The following MYPN variants were observed in gnomAD, a reference collection of about 807,000 sequenced individuals.
The protein encoded by MYPN is myopalladin.
A neutral mutation model predicts 129.4 loss-of-function variants in MYPN; 63 were observed. The observed-to-expected ratio is 0.49, with a 90% CI of 0.40 to 0.60. MYPN has a LOEUF of 0.60. Among genes scored for constraint, MYPN ranks in the 20% least tolerant of loss-of-function variants. The pLI, the probability that MYPN is intolerant of heterozygous loss-of-function variation, is 0.00. For synonymous variants in MYPN, 629 were observed against 600.9 expected, an observed-to-expected ratio of 1.05 and a Z score of -0.68; for missense variants, 1,596 against 1,635.4, an observed-to-expected ratio of 0.98 and a Z score of 0.42.
chr10:68,128,744 T>C (rs2042364061), intron 2 of MYPN, among the ~76,000 whole-genome samples: 1 of 152,192 alleles, frequency 6.6e-6, no homozygotes, highest in African/African-American at 2.4e-5. Flanking sequence ...GGGAAGGTTT[T>C]CTTGAAAATC....
chr10:68,185,217 G>T lies in MYPN; in HGVS notation c.2704-3688G>T, dbSNP rs182481427. Reference sequence around the variant, plus strand: ...GGGAAGGAAGGGAGGAAGGGAAGAAGTGAAAAGAAAAGAAAGGAAAGGAAA... The same window carrying T: ...GGGAAGGAAGGGAGGAAGGGAAGAATTGAAAAGAAAAGAAAGGAAAGGAAA... On this transcript the variant is annotated intron_variant, in intron 12 of 19. Coordinates refer to ENST00000358913, the MANE Select transcript of MYPN (RefSeq NM_032578.4). 3.2e-3 allele frequency among the ~76,000 whole-genome samples: 450 copies of T among 142,326 alleles called. 2 individuals carry two copies. Among genetic ancestry groups the T allele is most frequent in the African/African-American group, 0.011 (424 of 39,572 alleles). The allele number at this position is 142,326 out of a possible 152,430, so 93.4% of individuals were successfully genotyped here. A position where few individuals can be genotyped will look rare whatever the true frequency, so the allele number is the denominator to read the frequency against.
In MYPN at chr10:68,210,609, C is replaced by A; in HGVS notation, c.*154C>A. The A allele has an allele frequency of 1.2e-6, 1 of 846,760 alleles. No individual in the cohort carries two copies. Among genetic ancestry groups the A allele is most frequent in the Non-Finnish European group, 2.0e-6 (1 of 508,158 alleles). 52.5% of individuals were successfully genotyped at this position (846,760 alleles called of 1,614,324 possible). On this transcript the variant is annotated 3_prime_UTR_variant, in exon 20 of 20. Coordinates refer to ENST00000358913, the MANE Select transcript of MYPN (RefSeq NM_032578.4). ...GCTTTGAATAAGTCAGCTAGGGATT[C>A]TTGCAGTCTCAGCTGAGGGAGAAAG...
chr10:68,145,431 A>T (rs2042646778), intron 3 of MYPN, 44 bp from the exon 4 acceptor site: 1 of 1,525,104 alleles, frequency 6.6e-7, no homozygotes, highest in Admixed American at 1.7e-5. Context: ...CAATTTAAGA[A>T]ATTGTCATCT....
chr10:68,165,404 A>G (rs1362284988), intron 8 of MYPN: 1 of 472,598 alleles, frequency 2.1e-6, no homozygotes, highest in Non-Finnish European at 4.2e-6. Flanking sequence ...GTGAGCCGAG[A>G]TCTTGCCACT....
At chr10:68,180,795 G>A (rs192996404) in intron 12 of MYPN, among the ~76,000 whole-genome samples, 6 of 152,074 alleles carry the variant, frequency 3.9e-5, no homozygotes, top group African/African-American at 1.4e-4. Flanking sequence ...ATTATGGTTC[G>A]CAACAGAAAA....
At chr10:68,170,966 T>C (rs899161064) in intron 10 of MYPN, among the ~76,000 whole-genome samples, 2 of 152,024 alleles carry the variant, frequency 1.3e-5, no homozygotes, top group African/African-American at 2.4e-5. Flanking sequence ...CTGGCCAACA[T>C]GGTGAAACCC....
chr10:68,206,455 G>A (rs888794535), intron 18 of MYPN, among the ~76,000 whole-genome samples: 3 of 152,044 alleles, frequency 2.0e-5, no homozygotes, highest in Admixed American at 6.6e-5. Flanking sequence ...CAAAGTTATC[G>A]ATGAAATGTC....
upstream of MYPN, chr10:68,106,271 T>C: frequency 2.4e-6 from 1 of 418,358 alleles, no homozygotes; most frequent in Non-Finnish European, 4.7e-6. Flanking sequence ...TAAAACTAAG[T>C]GGGTTTTGAA....
intron 2 of MYPN, among the ~76,000 whole-genome samples, chr10:68,135,733 G>T (rs2042476951): frequency 6.6e-6 from 1 of 152,158 alleles, no homozygotes; most frequent in South Asian, 2.1e-4. Flanking sequence ...TATGTTTTGA[G>T]CAGCTAAAAT....
chr10:68,121,971 G>T lies in MYPN; in HGVS notation c.533G>T (p.Cys178Phe). The change falls in exon 2 of 20, where the codon TGC becomes TTC. Residue 178 changes from cysteine to phenylalanine, a missense_variant. Cys to Phe is a radical substitution (Grantham distance 205). Coordinates refer to ENST00000358913, the MANE Select transcript of MYPN (RefSeq NM_032578.4). ...TCCAAAAGGATTAGACCTCGTGCCT[G>T]CAAAAACCACAAGAGTAAACTGGAA... is the stretch of plus-strand genomic sequence containing the variant. ...HSSKRIRPRACKNHKSKLESQ... is the reference protein window; with the variant it reads ...HSSKRIRPRAFKNHKSKLESQ... 1 of 1,614,180 alleles carries T rather than the reference G, an allele frequency of 6.2e-7. No homozygotes were observed. Among genetic ancestry groups the T allele is most frequent in the South Asian group, 1.1e-5 (1 of 91,086 alleles).
At chr10:68,197,503 T>C in intron 16 of MYPN, 25 bp downstream of exon 16, 1 of 1,612,932 alleles carries the variant, frequency 6.2e-7, no homozygotes, top group South Asian at 1.1e-5. Context: ...CCATGCTTAG[T>C]TCCAGATCTG....
chr10:68,100,685 C>T (rs7086067), intron 1 of MYPN, among the ~76,000 whole-genome samples: 11,654 of 152,170 alleles, frequency 0.077, 1,168 homozygotes, highest in African/African-American at 0.23. Context: ...CTTATTAGCA[C>T]CTGTGGACGA....
rs146382217 is a variant in MYPN, at chr10:68,205,202, A to G, written c.3660-1568A>G. Reference sequence around the variant, plus strand: ...CATATGCTGGTGCTTCTGAACATCCAGTATCTTCATGCCTCCTTCTTGATG... The same window carrying G: ...CATATGCTGGTGCTTCTGAACATCCGGTATCTTCATGCCTCCTTCTTGATG... On this transcript the variant is annotated intron_variant, in intron 18 of 19. Coordinates refer to ENST00000358913, the MANE Select transcript of MYPN (RefSeq NM_032578.4). 3.6e-3 allele frequency among the ~76,000 whole-genome samples: 547 copies of G among 152,294 alleles called. 5 individuals carry two copies. Among genetic ancestry groups the G allele is most frequent in the African/African-American group, 0.012 (512 of 41,554 alleles).
In MYPN at chr10:68,140,019, A is replaced by AG. The variant is rs1303682310; in HGVS notation, c.903-2916dup. Among the ~76,000 whole-genome samples the AG allele has an allele frequency of 3.3e-5, 5 of 152,206 alleles. No homozygotes were observed. The East Asian group carries it at 5.8e-4, about 18-fold the overall frequency. Reference sequence around the variant, plus strand: ...TAATGTGCTGGAATGACTGAGGATAAGGGGGCTATATTGGGAAGAGGGTCA... The same window carrying AG: ...TAATGTGCTGGAATGACTGAGGATAAGGGGGGCTATATTGGGAAGAGGGTCA... On this transcript the variant is annotated intron_variant, in intron 2 of 19. Coordinates refer to ENST00000358913, the MANE Select transcript of MYPN (RefSeq NM_032578.4).
upstream of MYPN, among the ~76,000 whole-genome samples, chr10:68,102,153 T>C (rs1589512818): frequency 7.9e-6 from 1 of 125,846 alleles, no homozygotes; most frequent in African/African-American, 3.3e-5. Context: ...TGAGATAGGG[T>C]CTCATTTTAC....
chr10:68,169,356 T>A (rs1485198247), intron 10 of MYPN, among the ~76,000 whole-genome samples: 6 of 92,596 alleles, frequency 6.5e-5, no homozygotes, highest in Non-Finnish European at 1.3e-4. Context: ...AGACTCCGTC[T>A]CAAATTAAAA....
At chr10:68,188,574 C>T (rs1416950409) in intron 12 of MYPN, among the ~76,000 whole-genome samples, 1 of 152,148 alleles carries the variant, frequency 6.6e-6, no homozygotes, top group Admixed American at 6.5e-5. Flanking sequence ...CAAAATAATG[C>T]TATAGGAAGT....
At chr10:68,133,983 A>G (rs2042448468) in intron 2 of MYPN, among the ~76,000 whole-genome samples, 1 of 152,096 alleles carries the variant, frequency 6.6e-6, no homozygotes, top group South Asian at 2.1e-4. Flanking sequence ...TAAGAAGTCA[A>G]CACCATGAGA....
chr10:68,100,063 T>C (rs1371900542), intron 1 of MYPN, among the ~76,000 whole-genome samples: 1 of 152,218 alleles, frequency 6.6e-6, no homozygotes, highest in Non-Finnish European at 1.5e-5. Context: ...ATAGTATACC[T>C]TGGAAAATCT....
Sources: gnomAD v4.1 joint callset for allele counts (sites outside exome capture counted in the v4.1 genomes callset) on GRCh38, gnomAD v4.1.1 for gene constraint, MANE v1.5 for transcripts, NCBI Gene and HGNC (gene_info 2026-07-23, HGNC 2026-07-21) for gene names.